POFUT1: variants seen among roughly 807,000 people sequenced by gnomAD.
POFUT1 encodes GDP-fucose protein O-fucosyltransferase 1.
Under a neutral mutation model 42.4 loss-of-function variants are expected in POFUT1, and 16 were observed. That is an observed-to-expected ratio of 0.38 (90% CI 0.26 to 0.57). The LOEUF (loss-of-function observed/expected upper bound fraction) is 0.57, where lower values mean the gene tolerates loss of function less well. POFUT1 is among the 20% of genes least tolerant of loss of function. The pLI, the probability that POFUT1 is intolerant of heterozygous loss-of-function variation, is 0.71. For synonymous variants in POFUT1, 206 were observed against 205.4 expected (o/e 1.00, Z -0.03); for missense variants, 470 against 504.6 (o/e 0.93, Z 0.66).
rs1600397843 is a variant in POFUT1, at chr20:32,237,518, C to T, written c.*2857C>T. The stretch of plus-strand genomic sequence containing the variant: ...GAGACTGGAGTGTGTTCCTGAAGAG[C>T]AGCCAGGAGGCCAGCATGGCTGGAG... On this transcript the variant is annotated 3_prime_UTR_variant, in exon 7 of 7. Coordinates refer to ENST00000375749, the MANE Select transcript of POFUT1 (RefSeq NM_015352.2). 2 of 225,768 alleles carry T rather than the reference C, an allele frequency of 8.9e-6. No individual in the cohort carries two copies. Among genetic ancestry groups the T allele is most frequent in the East Asian group, 9.7e-5 (1 of 10,296 alleles). 14.0% of individuals were successfully genotyped at this position (225,768 alleles called of 1,614,324 possible). A position where few individuals can be genotyped will look rare whatever the true frequency, so the allele number is the denominator to read the frequency against.
chr20:32,214,251 A>G (rs751431470), intron 2 of POFUT1, among the ~76,000 whole-genome samples: 1 of 152,006 alleles, frequency 6.6e-6, no homozygotes, highest in Non-Finnish European at 1.5e-5. Context: ...CAGCCTCCCT[A>G]GTAGCTGGGA....
chr20:32,229,452 A>G (rs1184430811), intron 5 of POFUT1, among the ~76,000 whole-genome samples: 1 of 152,240 alleles, frequency 6.6e-6, no homozygotes, highest in Non-Finnish European at 1.5e-5. Context: ...ATAGAGGCCA[A>G]GAAAGCATTT....
At chr20:32,228,531 C>T (rs2047426614) in intron 5 of POFUT1, 76 bp downstream of exon 5, 1 of 1,292,472 alleles carries the variant, frequency 7.7e-7, no homozygotes, top group Non-Finnish European at 1.1e-6. Flanking sequence ...AGGGATCGGC[C>T]CCGCGTCCCA....
intron 3 of POFUT1, among the ~76,000 whole-genome samples, chr20:32,216,232 A>G (rs1287763553): frequency 6.6e-6 from 1 of 152,062 alleles, no homozygotes; most frequent in Non-Finnish European, 1.5e-5. Context: ...TAAGTGTCTG[A>G]CCCTCAGTGG....
chr20:32,234,852 G>A lies in POFUT1; in HGVS notation c.*191G>A. The A allele has an allele frequency of 1.9e-6, 1 of 528,792 alleles. No individual in the cohort carries two copies. Among genetic ancestry groups the A allele is most frequent in the Non-Finnish European group, 3.3e-6 (1 of 302,334 alleles). The allele number at this position is 528,792 out of a possible 1,614,324, so 32.8% of individuals were successfully genotyped here. A position where few individuals can be genotyped will look rare whatever the true frequency, so the allele number is the denominator to read the frequency against. ...ATATCCCAGGGCATAGGACTTGCAG[G>A]TTCCTAGGAGCAGGAGCATCTCCCA... is the stretch of plus-strand genomic sequence containing the variant. On this transcript the variant is annotated 3_prime_UTR_variant, in exon 7 of 7. Coordinates refer to ENST00000375749, the MANE Select transcript of POFUT1 (RefSeq NM_015352.2).
rs377488657 is a variant in POFUT1 at position 32,237,798 on chromosome 20, G to A, written c.*3137G>A. ...GCTGTTAACAGGGTTGCAGGCGAGA[G>A]ACTGGGGTGCTGGGCTCCCCTAGAC... On this transcript the variant is annotated 3_prime_UTR_variant, in exon 7 of 7. Transcript: ENST00000375749. 12 of 534,618 alleles carry A rather than the reference G, an allele frequency of 2.2e-5. No homozygotes were observed. Among genetic ancestry groups the A allele is most frequent in the Non-Finnish European group, 3.5e-5 (9 of 260,110 alleles). 33.1% of individuals were successfully genotyped at this position (534,618 alleles called of 1,614,324 possible).
At position 32,230,588 on chromosome 20, in the gene POFUT1, G is replaced by A. The variant is rs1377206983; in HGVS notation, c.736-231G>A. On this transcript the variant is annotated intron_variant, in intron 5 of 6. Transcript: ENST00000375749. ...CGGGTGCCTGTAGTTCCAGCTACTC[G>A]GGAGGCTGAGGCAGGAGAATTGCTT... is the stretch of plus-strand genomic sequence containing the variant. Among the ~76,000 whole-genome samples, 7 of 151,662 alleles carry A rather than the reference G, an allele frequency of 4.6e-5. No individual in the cohort carries two copies. In the South Asian group the frequency reaches 8.3e-4, roughly 18 times the overall value.
At chr20:32,223,681 T>G (rs2047401181) in intron 4 of POFUT1, 1 of 985,324 alleles carries the variant, frequency 1.0e-6, no homozygotes, top group South Asian at 4.7e-5. Context: ...GACAGCCTGA[T>G]CGGGTCTTTC....
chr20:32,219,563 C>T (rs1453755104), intron 4 of POFUT1, among the ~76,000 whole-genome samples: 1 of 141,884 alleles, frequency 7.0e-6, no homozygotes, highest in African/African-American at 2.7e-5. Context: ...AGGCTGGAGT[C>T]TCGGCTCACT....
In POFUT1 at chr20:32,237,750, G is replaced by A. The variant is rs2047479208; in HGVS notation, c.*3089G>A. ...TGAGGAGGTTGGAGAGAGAAAGGGT[G>A]AAAGCAGAGAGACCAGTGCAGGGCT... On this transcript the variant is annotated 3_prime_UTR_variant, in exon 7 of 7. Coordinates refer to ENST00000375749, the MANE Select transcript of POFUT1 (RefSeq NM_015352.2). 1.9e-6 allele frequency: 1 copy of A among 533,904 alleles called. No individual in the cohort carries two copies. Among genetic ancestry groups the A allele is most frequent in the Admixed American group, 1.9e-5 (1 of 51,424 alleles). The allele number at this position is 533,904 out of a possible 1,614,324, so 33.1% of individuals were successfully genotyped here.
intron 6 of POFUT1, 66 bp downstream of exon 6, chr20:32,231,127 T>C: frequency 1.3e-6 from 2 of 1,565,890 alleles, no homozygotes; most frequent in Non-Finnish European, 1.7e-6. Flanking sequence ...ATGGTCCCAC[T>C]GCCCACTGCA....
intron 1 of POFUT1, among the ~76,000 whole-genome samples, chr20:32,209,256 A>G (rs1331982100): frequency 6.6e-6 from 1 of 152,236 alleles, no homozygotes; most frequent in Non-Finnish European, 1.5e-5. Flanking sequence ...TTTAGATCTC[A>G]GCCTAAATGT....
Position 32,234,639 on chromosome 20 carries a change from CT to C in POFUT1, c.1146del (p.Lys383SerfsTer23), listed in dbSNP as rs773147618. ...TCTTTCTTCGGCATGGACAGGCCCC[CT>C]AAGCTGCGGGACGAGTTCTGATTCT... is the stretch of plus-strand genomic sequence containing the variant. ...PSSFFGMDRP[P>X]KLRDEF On this transcript the variant is annotated frameshift_variant, in exon 7 of 7. Coordinates refer to ENST00000375749, the MANE Select transcript of POFUT1 (RefSeq NM_015352.2). LOFTEE classifies it high-confidence loss of function. 3 of 1,611,194 alleles carry C rather than the reference CT, an allele frequency of 1.9e-6. No homozygotes were observed. The African/African-American group carries it at 4.0e-5, about 22-fold the overall frequency.
chr20:32,222,565 GTCTT>G (rs2122585023), intron 4 of POFUT1: 1 of 981,550 alleles, frequency 1.0e-6, no homozygotes, highest in South Asian at 4.7e-5. Context: ...AGAAATGTCT[GTCTT>G]TCTTTTTCTT....
chr20:32,223,033 T>C (rs2047398366), intron 4 of POFUT1: 2 of 985,418 alleles, frequency 2.0e-6, no homozygotes, highest in Non-Finnish European at 2.4e-6. Flanking sequence ...GCACTCAATA[T>C]GGGTTTCATC....
At chr20:32,209,887 C>A (rs2047317720) in intron 1 of POFUT1, among the ~76,000 whole-genome samples, 184 bp from the exon 2 acceptor site, 1 of 152,174 alleles carries the variant, frequency 6.6e-6, no homozygotes, top group African/African-American at 2.4e-5. Flanking sequence ...GCAGTTGTTG[C>A]AGGACCTGAA....
At chr20:32,211,241 A>G (rs1392204123) in intron 2 of POFUT1, among the ~76,000 whole-genome samples, 1 of 151,734 alleles carries the variant, frequency 6.6e-6, no homozygotes, top group Admixed American at 6.6e-5. Flanking sequence ...TCCTCAGTTA[A>G]TGGAAACCAT....
At chr20:32,213,039 C>T (rs2047338422) in intron 2 of POFUT1, among the ~76,000 whole-genome samples, 1 of 152,082 alleles carries the variant, frequency 6.6e-6, no homozygotes, top group African/African-American at 2.4e-5. Flanking sequence ...GTGCCCACCA[C>T]CATGCCTAGC....
intron 4 of POFUT1, chr20:32,223,146 A>T: frequency 1.0e-6 from 1 of 985,436 alleles, no homozygotes; most frequent in African/African-American, 1.7e-5. Context: ...ATGGTGGTGA[A>T]GAATCCCAGA....
Sources: gnomAD v4.1 joint callset for allele counts (sites outside exome capture counted in the v4.1 genomes callset) on GRCh38, gnomAD v4.1.1 for gene constraint, MANE v1.5 for transcripts, NCBI Gene and HGNC (gene_info 2026-07-23, HGNC 2026-07-21) for gene names.